TIAM1: variants seen among roughly 807,000 people sequenced by gnomAD.
TIAM1 encodes the protein rho guanine nucleotide exchange factor TIAM1.
TIAM1 carries 65 observed loss-of-function variants against 163.5 expected under a neutral mutation model. That is an observed-to-expected ratio of 0.40 (90% CI 0.33 to 0.49). The LOEUF (loss-of-function observed/expected upper bound fraction) is 0.49. TIAM1 is among the 20% of genes least tolerant of loss of function. The pLI is 0.77. For missense variants in TIAM1, 1,789 were observed against 2,044.7 expected, an observed-to-expected ratio of 0.87 and a Z score of 2.41; for synonymous variants, 833 against 810.1, an observed-to-expected ratio of 1.03 and a Z score of -0.48.
chr21:31,240,388 A>C (rs1394696518), intron 6 of TIAM1, among the ~76,000 whole-genome samples: 1 of 152,204 alleles, frequency 6.6e-6, no homozygotes, highest in Admixed American at 6.5e-5. Context: ...ACTTCAGTAA[A>C]AACAGCAAGT....
In TIAM1 at chr21:31,410,618, G is replaced by A. The variant is rs115392542; in HGVS notation, c.-369+53365C>T. Among the ~76,000 whole-genome samples, 1,257 of 151,992 alleles carry A rather than the reference G, an allele frequency of 8.3e-3. 22 individuals are homozygous for A. Among genetic ancestry groups the A allele is most frequent in the African/African-American group, 0.028 (1,164 of 41,440 alleles). On this transcript the variant is annotated intron_variant, in intron 2 of 28. Transcript: ENST00000286827. ...GAGACTGTGTGAGAGTGAATTGAGT[G>A]TTAGTGTGTGTCAGTGACTATGTGT...
At chr21:31,139,186 G>A (rs761754139) in intron 22 of TIAM1, among the ~76,000 whole-genome samples, 24 of 152,066 alleles carry the variant, frequency 1.6e-4, no homozygotes, top group Non-Finnish European at 3.4e-4. Context: ...TAAATTCTTT[G>A]CAACCCAATA....
intron 2 of TIAM1, among the ~76,000 whole-genome samples, chr21:31,310,755 A>G (rs899361120): frequency 6.6e-6 from 1 of 152,202 alleles, no homozygotes; most frequent in African/African-American, 2.4e-5. Flanking sequence ...GACAAGTTAG[A>G]AAAGTGCTCT....
At chr21:31,227,499 G>C (rs776057018) in intron 6 of TIAM1, among the ~76,000 whole-genome samples, 1 of 152,132 alleles carries the variant, frequency 6.6e-6, no homozygotes, top group African/African-American at 2.4e-5. Context: ...TTTGCCTGTG[G>C]ATAAACATTT....
intron 2 of TIAM1, among the ~76,000 whole-genome samples, chr21:31,356,110 G>A (rs2147125746): frequency 6.6e-6 from 1 of 152,122 alleles, no homozygotes; most frequent in African/African-American, 2.4e-5. Context: ...CCAGGTCTGA[G>A]GTCTCTTCTT....
chr21:31,428,030 A>T (rs1372060574), intron 2 of TIAM1, among the ~76,000 whole-genome samples: 1 of 151,628 alleles, frequency 6.6e-6, no homozygotes, highest in Admixed American at 6.6e-5. Flanking sequence ...GGGAGGCCGA[A>T]GCGGGTGGAT....
At chr21:31,470,453 C>T (rs1295221649) in intron 1 of TIAM1, among the ~76,000 whole-genome samples, 1 of 152,206 alleles carries the variant, frequency 6.6e-6, no homozygotes, top group Non-Finnish European at 1.5e-5. Flanking sequence ...CCTGCCTCAG[C>T]CTCCCAAGTA....
At chr21:31,429,811 C>T (rs540344659) in intron 2 of TIAM1, among the ~76,000 whole-genome samples, 35 of 36,708 alleles carry the variant, frequency 9.5e-4, no homozygotes, top group Admixed American at 5.0e-3. Flanking sequence ...TGGGCTCCAC[C>T]GCGAACTGGC....
rs531006181 is a variant in TIAM1, at chr21:31,184,173, T to C, written c.2663-1528A>G. On this transcript the variant is annotated intron_variant, in intron 14 of 27. Transcript: ENST00000541036. ...CAGGCTTGAGTTCAATGGCGCGATCTCAGTTCACTGCAACCTCTGCCTCCC... is the reference window on the plus strand; with the variant it reads ...CAGGCTTGAGTTCAATGGCGCGATCCCAGTTCACTGCAACCTCTGCCTCCC... Among the ~76,000 whole-genome samples, 24 of 152,032 alleles carry C rather than the reference T, an allele frequency of 1.6e-4. 1 individual carries two copies. The South Asian group carries it at 4.8e-3, about 30-fold the overall frequency.
chr21:31,378,209 A>T (rs962529961), intron 2 of TIAM1, among the ~76,000 whole-genome samples: 4 of 151,878 alleles, frequency 2.6e-5, no homozygotes, highest in Non-Finnish European at 5.9e-5. Flanking sequence ...GAAACAAGAT[A>T]AGCCAAAAGA....
At chr21:31,383,012 G>A (rs931297714) in intron 2 of TIAM1, among the ~76,000 whole-genome samples, 1 of 152,122 alleles carries the variant, frequency 6.6e-6, no homozygotes, top group African/African-American at 2.4e-5. Context: ...GGCCAAGGCG[G>A]GAAGATCACC....
chr21:31,480,821 T>C (rs1201234111), intron 1 of TIAM1, among the ~76,000 whole-genome samples: 1 of 152,210 alleles, frequency 6.6e-6, no homozygotes, highest in Non-Finnish European at 1.5e-5. Context: ...TGGCACAATC[T>C]TGGCTTACTG....
upstream of TIAM1, among the ~76,000 whole-genome samples, chr21:31,347,198 T>C (rs2076162732): frequency 6.6e-6 from 1 of 152,140 alleles, no homozygotes; most frequent in Admixed American, 6.5e-5. Context: ...TGTGAACACG[T>C]TACATAAACC....
intron 9 of TIAM1, among the ~76,000 whole-genome samples, chr21:31,217,300 G>A (rs2087274692): frequency 6.6e-6 from 1 of 152,168 alleles, no homozygotes; most frequent in Non-Finnish European, 1.5e-5. Context: ...TGCGCTTTGA[G>A]TAGGTCTGTA....
At chr21:31,378,136 CAA>C (rs367907079) in intron 2 of TIAM1, among the ~76,000 whole-genome samples, 8 of 48,170 alleles carry the variant, frequency 1.7e-4, no homozygotes, top group African/African-American at 2.4e-4. Flanking sequence ...AACTCTGTCT[CAA>C]AAAAAAAAAA....
rs565297450 is a variant in TIAM1 at position 31,207,032 on chromosome 21, A to G, written c.2388+3013T>C. ...TTTCTTTCTCTAAACGCCAATGGTTATAGCATATCCAAAGCCACAGAATGA... is the reference window on the plus strand; with the variant it reads ...TTTCTTTCTCTAAACGCCAATGGTTGTAGCATATCCAAAGCCACAGAATGA... On this transcript the variant is annotated intron_variant, in intron 11 of 27. Transcript: ENST00000541036. Among the ~76,000 whole-genome samples the G allele has an allele frequency of 9.8e-5, 15 of 152,364 alleles. 1 individual carries two copies. In the Middle Eastern group the frequency reaches 0.02, roughly 207 times the overall value.
At chr21:31,332,455 T>C (rs1431554709) in intron 2 of TIAM1, among the ~76,000 whole-genome samples, 1 of 152,138 alleles carries the variant, frequency 6.6e-6, no homozygotes, top group Non-Finnish European at 1.5e-5. Flanking sequence ...GATAAGAACT[T>C]TGGTCTCCTG....
intron 2 of TIAM1, among the ~76,000 whole-genome samples, chr21:31,321,980 G>A (rs1171070277): frequency 2.0e-5 from 3 of 152,072 alleles, no homozygotes; most frequent in Non-Finnish European, 1.5e-5. Context: ...TTGAACTTGG[G>A]AGGCAGAAGT....
chr21:31,182,781 C>T (rs746379188), intron 14 of TIAM1, 136 bp from the exon 15 acceptor site: 230 of 834,644 alleles, frequency 2.8e-4, no homozygotes, highest in Non-Finnish European at 3.1e-4. Context: ...CTGCGGTGCT[C>T]GGGAGTGATC....
Sources: gnomAD v4.1 joint callset for allele counts (sites outside exome capture counted in the v4.1 genomes callset) on GRCh38, gnomAD v4.1.1 for gene constraint, MANE v1.5 for transcripts, NCBI Gene and HGNC (gene_info 2026-07-23, HGNC 2026-07-21) for gene names.